The following UCK1 variants were observed in gnomAD, a reference collection of about 807,000 sequenced individuals.
The protein encoded by UCK1 is cytidine monophosphokinase 1.
Under a neutral mutation model 34.0 loss-of-function variants are expected in UCK1, and 20 were observed. That is an observed-to-expected ratio of 0.59 (90% CI 0.41 to 0.86). UCK1 has a LOEUF of 0.86. Ranked by LOEUF, UCK1 falls within the 40% of genes least tolerant of loss-of-function variation. The pLI is 0.00. For missense variants in UCK1, 343 were observed against 383.6 expected, an observed-to-expected ratio of 0.89 and a Z score of 0.88; for synonymous variants, 168 against 155.9, an observed-to-expected ratio of 1.08 and a Z score of -0.58.
At chr9:131,527,474 A>AT (rs1163138341) in intron 5 of UCK1, among the ~76,000 whole-genome samples, 4 of 152,212 alleles carry the variant, frequency 2.6e-5, no homozygotes, top group Non-Finnish European at 5.9e-5. Context: ...TTTTTGCCAA[A>AT]TATCTTTCTG....
intron 5 of UCK1, 176 bp downstream of exon 5, chr9:131,528,768 G>T: frequency 1.4e-6 from 1 of 726,576 alleles, no homozygotes; most frequent in Non-Finnish European, 2.2e-6. Context: ...AGCAGGCACA[G>T]AGAATGTTTT....
In UCK1 at chr9:131,529,150, G is replaced by A. The variant is rs202127085; in HGVS notation, c.486C>T (p.Ser162=). 430 of 1,613,882 alleles carry A rather than the reference G, an allele frequency of 2.7e-4. No homozygotes were observed. Among genetic ancestry groups the A allele is most frequent in the Non-Finnish European group, 3.5e-4 (409 of 1,179,912 alleles). The change falls in exon 4 of 7, where the codon TCC becomes TCT. Residue 162 remains serine (S), a synonymous_variant. Transcript: ENST00000372215. The stretch of plus-strand genomic sequence containing the variant: ...TACCTCTTCGAGACAGCCTGACGTC[G>A]GAGTCGGTGTCCACGAAGAGGCGCA... ...FHLRLFVDTD[S]DVRLSRRVLR... is the part of the protein sequence containing the mutation.
At chr9:131,526,315 T>A (rs1352148660) in intron 5 of UCK1, 5 of 927,164 alleles carry the variant, frequency 5.4e-6, no homozygotes, top group Non-Finnish European at 7.8e-6. Flanking sequence ...CCAAGCTAAG[T>A]GTGGCACTTC....
At chr9:131,526,614 C>T in intron 5 of UCK1, 1 of 877,312 alleles carries the variant, frequency 1.1e-6, no homozygotes, top group Non-Finnish European at 1.6e-6. Flanking sequence ...GGGGAAGCAG[C>T]CTGGAGAACA....
chr9:131,525,227 CCAAGAGACAGACAAG>C lies in UCK1; in HGVS notation c.653-21_653-7del. ...CACGATCAGGTTGATGGCAACTGCG[CCAAGAGACAGACAAG>C]CAGCGGGTTAGCCGCATCCATCCTC... On this transcript the variant is annotated splice_region_variant and splice_polypyrimidine_tract_variant and intron_variant, in intron 6 of 6. Transcript: ENST00000372215. 19 of 1,613,518 alleles carry C rather than the reference CCAAGAGACAGACAAG, an allele frequency of 1.2e-5. No homozygotes were observed. Among genetic ancestry groups the C allele is most frequent in the Non-Finnish European group, 1.6e-5 (19 of 1,179,994 alleles).
chr9:131,530,976 G>C (rs1002175780), intron 1 of UCK1, 91 bp downstream of exon 1: 1 of 1,163,454 alleles, frequency 8.6e-7, no homozygotes, highest in African/African-American at 1.6e-5. Flanking sequence ...CTGGCAGGGG[G>C]CCCCTCGGCC....
chr9:131,525,826 C>T, intron 6 of UCK1, 103 bp downstream of exon 6: 1 of 1,233,774 alleles, frequency 8.1e-7, no homozygotes, highest in Non-Finnish European at 1.2e-6. Context: ...CACTGGCAGG[C>T]CGCGTGCGCA....
chr9:131,529,299 G>A, intron 3 of UCK1, 29 bp from the exon 4 acceptor site: 1 of 1,613,424 alleles, frequency 6.2e-7, no homozygotes, highest in Non-Finnish European at 8.5e-7. Context: ...AAGGGGCTCT[G>A]CTGCAGACAC....
At chr9:131,529,423 T>C in intron 3 of UCK1, 65 bp downstream of exon 3, 1 of 1,609,430 alleles carries the variant, frequency 6.2e-7, no homozygotes, top group Non-Finnish European at 8.5e-7. Flanking sequence ...GGCAGGTCTG[T>C]GTGAGCCCGA....
At chr9:131,527,367 T>A (rs911099668) in intron 5 of UCK1, among the ~76,000 whole-genome samples, 31 of 152,078 alleles carry the variant, frequency 2.0e-4, no homozygotes, top group Admixed American at 2.0e-3. Context: ...AAAACATCTC[T>A]GGGGCCTGGG....
At position 131,529,482 on chromosome 9, in the gene UCK1, GCTTAC is replaced by G. The variant is rs1564408283; in HGVS notation, c.365+1_365+5del. ...TCCTCGGCCCTCCCTAGAACCACCT[GCTTAC>G]CTTGAGTGTGTCACAAAATCATAGG... On this transcript the variant is annotated splice_donor_variant and splice_donor_5th_base_variant and intron_variant, in intron 3 of 6. Transcript: ENST00000372215. LOFTEE classifies it high-confidence loss of function. 4.3e-6 allele frequency: 7 copies of G among 1,614,052 alleles called. No individual in the cohort carries two copies. Among genetic ancestry groups the G allele is most frequent in the Non-Finnish European group, 5.1e-6 (6 of 1,179,984 alleles).
intron 5 of UCK1, among the ~76,000 whole-genome samples, chr9:131,526,761 C>T (rs1316187298): frequency 6.6e-6 from 1 of 152,252 alleles, no homozygotes; most frequent in Non-Finnish European, 1.5e-5. Flanking sequence ...AAGAGGCAGA[C>T]AGGGACCAAG....
chr9:131,525,827 C>T lies in UCK1; in HGVS notation c.652+102G>A, dbSNP rs558762256. 277 of 1,248,820 alleles carry T rather than the reference C, an allele frequency of 2.2e-4. No homozygotes were observed. The East Asian group carries it at 4.9e-3, about 22-fold the overall frequency. 77.4% of individuals were successfully genotyped at this position (1,248,820 alleles called of 1,614,324 possible). The stretch of plus-strand genomic sequence containing the variant: ...GTGCCGCAGATCAACACTGGCAGGC[C>T]GCGTGCGCAGGGGAGTGCTCAGTAA... On this transcript the variant is annotated intron_variant, in intron 6 of 6. Coordinates refer to ENST00000372215, the MANE Select transcript of UCK1 (RefSeq NM_031432.5).
rs1408307669 is a variant in UCK1 at position 131,524,833 on chromosome 9, G to GA, written c.*206dup. On this transcript the variant is annotated 3_prime_UTR_variant, in exon 7 of 7. Coordinates refer to ENST00000372215, the MANE Select transcript of UCK1 (RefSeq NM_031432.5). ...TAAACCGCAACGAGCCTAAGTGGCTGAAAACCTCAGGAACGCCTGTCAGTG... is the reference window on the plus strand; with the variant it reads ...TAAACCGCAACGAGCCTAAGTGGCTGAAAAACCTCAGGAACGCCTGTCAGTG... 2 of 591,062 alleles carry GA rather than the reference G, an allele frequency of 3.4e-6. No homozygotes were observed. Among genetic ancestry groups the GA allele is most frequent in the Non-Finnish European group, 5.7e-6 (2 of 348,086 alleles). 36.6% of individuals were successfully genotyped at this position (591,062 alleles called of 1,614,324 possible).
intron 6 of UCK1, among the ~76,000 whole-genome samples, chr9:131,525,555 T>G (rs1302900565): frequency 6.6e-6 from 1 of 152,210 alleles, no homozygotes; most frequent in Non-Finnish European, 1.5e-5. Context: ...CACAGCTCAC[T>G]GCAGCCTCAA....
chr9:131,531,197 C>T lies in UCK1; in HGVS notation c.-23G>A, dbSNP rs1055030536. 4 of 1,372,994 alleles carry T rather than the reference C, an allele frequency of 2.9e-6. No individual in the cohort carries two copies. In the African/African-American group the frequency reaches 6.4e-5, roughly 22 times the overall value. 85.1% of individuals were successfully genotyped at this position (1,372,994 alleles called of 1,614,324 possible). On this transcript the variant is annotated 5_prime_UTR_variant, in exon 1 of 7. Transcript: ENST00000372215. ...CATCTCGGCCTCCGCTCCCGCGCAT[C>T]GGGTCCCCGCGCCCGCCCCTTCCCC...
At position 131,529,045 on chromosome 9, in the gene UCK1, C is replaced by T. The variant is rs368364125; in HGVS notation, c.509-7G>A. On this transcript the variant is annotated splice_region_variant and splice_polypyrimidine_tract_variant and intron_variant, in intron 4 of 6. Transcript: ENST00000372215. ...CGGCGCACGTCCCGGAGAACTGCAGCGGCAAGGGGCAGGCGTGCTTCAGAC... is the reference window on the plus strand; with the variant it reads ...CGGCGCACGTCCCGGAGAACTGCAGTGGCAAGGGGCAGGCGTGCTTCAGAC... The T allele has an allele frequency of 1.4e-5, 22 of 1,613,930 alleles. No homozygotes were observed. Among genetic ancestry groups the T allele is most frequent in the South Asian group, 3.3e-5 (3 of 91,076 alleles).
chr9:131,526,579 G>A (rs1588531057), intron 5 of UCK1: 1 of 1,241,024 alleles, frequency 8.1e-7, no homozygotes, highest in African/African-American at 1.5e-5. Context: ...CCAGATGGTG[G>A]GGGTTGGGGG....
rs144149016 is a variant in UCK1, at chr9:131,528,980, G to C, written c.567C>G (p.Thr189=). 6.2e-7 allele frequency: 1 copy of C among 1,614,178 alleles called. No homozygotes were observed. Among genetic ancestry groups the C allele is most frequent in the African/African-American group, 1.3e-5 (1 of 75,064 alleles). Reference sequence around the variant, plus strand: ...ACTCCTCGAAGGCCGGCTTCACGAAGGTGGTGTACTGCGTCAGAATCTGCT... The same window carrying C: ...ACTCCTCGAAGGCCGGCTTCACGAACGTGGTGTACTGCGTCAGAATCTGCT... ...DLEQILTQYT[T]FVKPAFEEFC... The change falls in exon 5 of 7, where the codon ACC becomes ACG. Residue 189 remains threonine, a synonymous_variant. Coordinates refer to ENST00000372215, the MANE Select transcript of UCK1 (RefSeq NM_031432.5).
Sources: gnomAD v4.1 joint callset for allele counts (sites outside exome capture counted in the v4.1 genomes callset) on GRCh38, gnomAD v4.1.1 for gene constraint, MANE v1.5 for transcripts, NCBI Gene and HGNC (gene_info 2026-07-23, HGNC 2026-07-21) for gene names.